LRRC4C: variants seen among roughly 807,000 people sequenced by gnomAD.
LRRC4C encodes leucine-rich repeat-containing protein 4C.
Under a neutral mutation model 33.6 loss-of-function variants are expected in LRRC4C, and 5 were observed. That is an observed-to-expected ratio of 0.15 (90% CI 0.08 to 0.31). The LOEUF is 0.31. Among genes scored for constraint, LRRC4C ranks in the 10% least tolerant of loss-of-function variants. LRRC4C has a pLI of 1.00. For missense variants in LRRC4C, 560 were observed against 796.7 expected (o/e 0.70, Z 3.58); for synonymous variants, 329 against 302.0 (o/e 1.09, Z -0.93).
At chr11:41,349,413 C>T (rs1015234139) in intron 1 of LRRC4C, among the ~76,000 whole-genome samples, 2 of 152,060 alleles carry the variant, frequency 1.3e-5, no homozygotes, top group Non-Finnish European at 2.9e-5. Flanking sequence ...AACACCTCAA[C>T]CCCTCCAGTG....
intron 1 of LRRC4C, among the ~76,000 whole-genome samples, chr11:41,443,407 G>A (rs949957248): frequency 9.2e-5 from 14 of 152,058 alleles, no homozygotes; most frequent in African/African-American, 3.4e-4. Context: ...TACTTGGGGA[G>A]ATGAGGCAGG....
chr11:40,544,388 T>G (rs1956838524), intron 3 of LRRC4C, among the ~76,000 whole-genome samples: 1 of 152,064 alleles, frequency 6.6e-6, no homozygotes, highest in Non-Finnish European at 1.5e-5. Context: ...GGCCCACTGT[T>G]CTTTACCTTC....
chr11:41,261,524 C>T (rs1591092380), intron 1 of LRRC4C, among the ~76,000 whole-genome samples: 1 of 152,096 alleles, frequency 6.6e-6, no homozygotes, highest in East Asian at 1.9e-4. Context: ...ATTTGGCTCA[C>T]AGATAGGGTG....
chr11:41,088,174 A>T (rs1378431453), intron 1 of LRRC4C, among the ~76,000 whole-genome samples: 6 of 152,128 alleles, frequency 3.9e-5, no homozygotes, highest in African/African-American at 1.2e-4. Flanking sequence ...ATCTTTAATA[A>T]TCAGAAATTG....
chr11:41,154,800 A>G (rs1944153527), intron 1 of LRRC4C, among the ~76,000 whole-genome samples: 1 of 152,168 alleles, frequency 6.6e-6, no homozygotes, highest in Non-Finnish European at 1.5e-5. Flanking sequence ...TTCTTGTGAA[A>G]GGAACATTCC....
chr11:41,160,919 C>A (rs958664907), intron 1 of LRRC4C, among the ~76,000 whole-genome samples: 9 of 152,100 alleles, frequency 5.9e-5, no homozygotes, highest in Admixed American at 3.9e-4. Flanking sequence ...AGAATCAACA[C>A]AATCCACTAA....
chr11:40,809,380 TATTTTTCAC>T (rs1483346333), intron 2 of LRRC4C, among the ~76,000 whole-genome samples: 1 of 152,222 alleles, frequency 6.6e-6, no homozygotes, highest in Admixed American at 6.5e-5. Flanking sequence ...TGCCTGTGCC[TATTTTTCAC>T]ACAGATATCA....
intron 2 of LRRC4C, among the ~76,000 whole-genome samples, chr11:40,746,295 G>A: frequency 6.6e-6 from 1 of 152,106 alleles, no homozygotes; most frequent in East Asian, 1.9e-4. Context: ...TCCTACACTA[G>A]ACATGAACAG....
chr11:40,398,860 C>T (rs1466711379), intron 3 of LRRC4C, among the ~76,000 whole-genome samples: 1 of 152,082 alleles, frequency 6.6e-6, no homozygotes, highest in Non-Finnish European at 1.5e-5. Context: ...ACAACACTGT[C>T]ATCATTATTA....
chr11:40,617,300 A>G (rs907861873), intron 3 of LRRC4C, among the ~76,000 whole-genome samples: 2 of 151,768 alleles, frequency 1.3e-5, no homozygotes, highest in East Asian at 1.9e-4. Context: ...AAACACTTGT[A>G]TAAAGGAGGT....
At chr11:40,166,958 A>G (rs1293788440) in intron 5 of LRRC4C, among the ~76,000 whole-genome samples, 1 of 152,310 alleles carries the variant, frequency 6.6e-6, no homozygotes, top group Non-Finnish European at 1.5e-5. Context: ...ATAAGTTCAT[A>G]AAGCCTGTGT....
chr11:40,509,799 C>T (rs1262360316), intron 3 of LRRC4C, among the ~76,000 whole-genome samples: 3 of 152,116 alleles, frequency 2.0e-5, no homozygotes, highest in African/African-American at 7.2e-5. Flanking sequence ...ACATAGGCAA[C>T]TATAGTTATA....
At chr11:40,840,563 A>G (rs531841544) in intron 2 of LRRC4C, among the ~76,000 whole-genome samples, 97 of 152,312 alleles carry the variant, frequency 6.4e-4, no homozygotes, top group African/African-American at 2.3e-3. Flanking sequence ...AAAATAGTAA[A>G]CATCATCAGA....
At position 41,418,889 on chromosome 11, in the gene LRRC4C, G is replaced by T. The variant is rs978551504; in HGVS notation, c.-496+40542C>A. ...TGAAATAATTAAGGTGGAAAGTAGT[G>T]TATGAATTTTAAATATTACCTTCAC... On this transcript the variant is annotated intron_variant, in intron 1 of 6. Coordinates refer to ENST00000528697, the MANE Select transcript of LRRC4C (RefSeq NM_001258419.2). 2.0e-5 allele frequency among the ~76,000 whole-genome samples: 3 copies of T among 151,960 alleles called. No individual in the cohort carries two copies. The South Asian group carries it at 6.2e-4, about 32-fold the overall frequency.
At chr11:40,406,890 C>A (rs1044852144) in intron 3 of LRRC4C, among the ~76,000 whole-genome samples, 2 of 151,912 alleles carry the variant, frequency 1.3e-5, no homozygotes, top group African/African-American at 4.8e-5. Flanking sequence ...AAATTCTATC[C>A]CCAGTAAGAT....
intron 2 of LRRC4C, among the ~76,000 whole-genome samples, chr11:40,688,367 T>C (rs1945063474): frequency 6.6e-6 from 1 of 152,190 alleles, no homozygotes; most frequent in African/African-American, 2.4e-5. Flanking sequence ...AACAAACTTC[T>C]AAAGAACAAG....
At chr11:41,175,578 C>T (rs1945163196) in intron 1 of LRRC4C, among the ~76,000 whole-genome samples, 1 of 151,982 alleles carries the variant, frequency 6.6e-6, no homozygotes, top group Admixed American at 6.6e-5. Flanking sequence ...CTTCCACCTA[C>T]ATTTAGTCAA....
intron 2 of LRRC4C, among the ~76,000 whole-genome samples, chr11:40,922,284 T>A (rs1314193040): frequency 6.6e-6 from 1 of 152,194 alleles, no homozygotes; most frequent in Non-Finnish European, 1.5e-5. Context: ...TACTGTTTAA[T>A]GAGAATATGT....
At chr11:41,068,876 T>C (rs1456653224) in intron 1 of LRRC4C, among the ~76,000 whole-genome samples, 1 of 152,106 alleles carries the variant, frequency 6.6e-6, no homozygotes, top group Non-Finnish European at 1.5e-5. Context: ...TCTGAAACTA[T>C]TTGAAACAAC....
Sources: gnomAD v4.1 joint callset for allele counts (sites outside exome capture counted in the v4.1 genomes callset) on GRCh38, gnomAD v4.1.1 for gene constraint, MANE v1.5 for transcripts, NCBI Gene and HGNC (gene_info 2026-07-23, HGNC 2026-07-21) for gene names.